SLC24A2: variants seen among roughly 807,000 people sequenced by gnomAD.
SLC24A2 encodes solute carrier family 24 member 2, also known as sodium/potassium/calcium exchanger 2.
A neutral mutation model predicts 62.0 loss-of-function variants in SLC24A2; 36 were observed. The ratio of observed to expected loss-of-function variants is 0.58; its 90% CI spans 0.44 to 0.77. The LOEUF is 0.77. Among genes scored for constraint, SLC24A2 ranks in the 30% least tolerant of loss-of-function variants. SLC24A2 has a pLI of 0.00. For missense variants in SLC24A2, 846 were observed against 817.9 expected, an observed-to-expected ratio of 1.03 and a Z score of -0.42; for synonymous variants, 358 against 294.0, an observed-to-expected ratio of 1.22 and a Z score of -2.23.
the SLC24A2 span, among the ~76,000 whole-genome samples, chr9:19,914,583 A>G: frequency 6.6e-6 from 1 of 152,082 alleles, no homozygotes; most frequent in Non-Finnish European, 1.5e-5. Context: ...CTCAAATATC[A>G]TCTATTCTGA....
chr9:19,657,141 TC>T (rs1346325893), intron 2 of SLC24A2, among the ~76,000 whole-genome samples: 3 of 152,042 alleles, frequency 2.0e-5, no homozygotes, highest in Non-Finnish European at 2.9e-5. Context: ...TGAAGAAGAG[TC>T]CGTTTACATT....
At chr9:19,774,964 T>A (rs1822802265) in intron 2 of SLC24A2, among the ~76,000 whole-genome samples, 2 of 152,200 alleles carry the variant, frequency 1.3e-5, no homozygotes. Flanking sequence ...GCTGGCAGTA[T>A]CTTGGAGATA....
the SLC24A2 span, among the ~76,000 whole-genome samples, chr9:20,101,018 T>G: frequency 6.6e-6 from 1 of 152,228 alleles, no homozygotes; most frequent in Non-Finnish European, 1.5e-5. Flanking sequence ...TGGTCTCATT[T>G]CCAGAATTTT....
At chr9:19,533,603 G>C (rs1833810268) in intron 8 of SLC24A2, among the ~76,000 whole-genome samples, 1 of 152,220 alleles carries the variant, frequency 6.6e-6, no homozygotes, top group East Asian at 1.9e-4. Context: ...TGAGATAAGA[G>C]AGTATGTGGA....
the SLC24A2 span, among the ~76,000 whole-genome samples, chr9:19,951,226 T>TTGTGTGTGTGTGTG: frequency 6.8e-5 from 10 of 146,074 alleles, no homozygotes; most frequent in African/African-American, 2.5e-4. Context: ...TTTTCTTAAG[T>TTGTGTGTGTGTGTG]TGTGTGTGTG....
At chr9:19,519,911 CTT>C (rs943011863) in intron 10 of SLC24A2, among the ~76,000 whole-genome samples, 2 of 152,184 alleles carry the variant, frequency 1.3e-5, no homozygotes, top group East Asian at 3.8e-4. Context: ...AGCACAGACT[CTT>C]TGTTCAAATC....
chr9:19,763,519 T>C (rs534620057), intron 2 of SLC24A2, among the ~76,000 whole-genome samples: 4 of 152,134 alleles, frequency 2.6e-5, no homozygotes, highest in East Asian at 3.9e-4. Context: ...GAGTGAAGCA[T>C]GAAGGGGTGT....
At chr9:20,069,467 T>C in the SLC24A2 span, among the ~76,000 whole-genome samples, 1 of 152,218 alleles carries the variant, frequency 6.6e-6, no homozygotes, top group East Asian at 1.9e-4. Context: ...AACTTATATG[T>C]ACAGTTTAAC....
chr9:19,727,068 T>G (rs1821192900), intron 2 of SLC24A2, among the ~76,000 whole-genome samples: 1 of 152,170 alleles, frequency 6.6e-6, no homozygotes, highest in Admixed American at 6.5e-5. Flanking sequence ...TCGTCATGAT[T>G]AAAGAAGCAA....
the SLC24A2 span, among the ~76,000 whole-genome samples, chr9:20,251,085 C>A: frequency 1.3e-5 from 2 of 152,128 alleles, no homozygotes; most frequent in Non-Finnish European, 2.9e-5. Flanking sequence ...GAGAAGAAGG[C>A]AGTGAAAAAG....
At chr9:19,838,482 C>T in the SLC24A2 span, among the ~76,000 whole-genome samples, 1 of 151,288 alleles carries the variant, frequency 6.6e-6, no homozygotes, top group Non-Finnish European at 1.5e-5. Flanking sequence ...CACACACACA[C>T]ACACAGATTA....
At chr9:19,633,245 G>A (rs180706106) in intron 2 of SLC24A2, among the ~76,000 whole-genome samples, 2 of 152,178 alleles carry the variant, frequency 1.3e-5, no homozygotes, top group Non-Finnish European at 2.9e-5. Context: ...CTATTGTCAC[G>A]AAAGCTGCTA....
chr9:19,708,603 A>G (rs560543819), intron 2 of SLC24A2, among the ~76,000 whole-genome samples: 3 of 152,340 alleles, frequency 2.0e-5, no homozygotes, highest in African/African-American at 7.2e-5. Flanking sequence ...ATAATGCCAC[A>G]TATCTACAAC....
the SLC24A2 span, among the ~76,000 whole-genome samples, chr9:19,895,176 T>A: frequency 6.6e-6 from 1 of 151,680 alleles, no homozygotes; most frequent in African/African-American, 2.4e-5. Context: ...CAAGCTACAA[T>A]CCCTGTGCTC....
the SLC24A2 span, among the ~76,000 whole-genome samples, chr9:20,083,069 C>G: frequency 6.6e-6 from 1 of 152,290 alleles, no homozygotes; most frequent in Non-Finnish European, 1.5e-5. Context: ...AGCATATCTC[C>G]TTGTATGTCT....
At chr9:19,518,501 A>C (rs1261410139) in intron 10 of SLC24A2, among the ~76,000 whole-genome samples, 1 of 149,608 alleles carries the variant, frequency 6.7e-6, no homozygotes, top group African/African-American at 2.5e-5. Flanking sequence ...GGTTCACTGC[A>C]ACCTCCACCT....
At chr9:19,625,802 T>C (rs1364967071) in intron 2 of SLC24A2, among the ~76,000 whole-genome samples, 1 of 151,720 alleles carries the variant, frequency 6.6e-6, no homozygotes, top group Non-Finnish European at 1.5e-5. Flanking sequence ...TTCTCCTGCC[T>C]CAGCCTCCTG....
chr9:20,044,073 G>A, the SLC24A2 span, among the ~76,000 whole-genome samples: 2 of 152,004 alleles, frequency 1.3e-5, no homozygotes, highest in Admixed American at 1.3e-4. Flanking sequence ...CCCTCTACCA[G>A]CAAAAGATTA....
chr9:20,107,351 G>C, the SLC24A2 span, among the ~76,000 whole-genome samples: 1 of 151,196 alleles, frequency 6.6e-6, no homozygotes, highest in Non-Finnish European at 1.5e-5. Context: ...CTACTTTGAA[G>C]TTCATATGGA....
Sources: gnomAD v4.1 joint callset for allele counts (sites outside exome capture counted in the v4.1 genomes callset) on GRCh38, gnomAD v4.1.1 for gene constraint, MANE v1.5 for transcripts, NCBI Gene and HGNC (gene_info 2026-07-23, HGNC 2026-07-21) for gene names.